Variants in PUM2 observed in about 807,000 individuals in gnomAD.
The protein encoded by PUM2 is pumilio homolog 2.
Under a neutral mutation model 124.5 loss-of-function variants are expected in PUM2, and 57 were observed. The observed-to-expected ratio is 0.46, with a 90% CI of 0.37 to 0.57. The LOEUF (loss-of-function observed/expected upper bound fraction) is 0.57. Ranked by LOEUF, PUM2 falls within the 20% of genes least tolerant of loss-of-function variation. The pLI is 0.00. For synonymous variants in PUM2, 460 were observed against 446.1 expected, an observed-to-expected ratio of 1.03 and a Z score of -0.39; for missense variants, 1,065 against 1,290.6, an observed-to-expected ratio of 0.83 and a Z score of 2.68.
chr2:20,292,678 C>A (rs1674485998), intron 9 of PUM2, among the ~76,000 whole-genome samples: 1 of 152,106 alleles, frequency 6.6e-6, no homozygotes, highest in Non-Finnish European at 1.5e-5. Context: ...CACCTGTAAT[C>A]CCAGCACTTT....
chr2:20,336,138 T>TG (rs1685960623), intron 1 of PUM2, among the ~76,000 whole-genome samples: 1 of 152,240 alleles, frequency 6.6e-6, no homozygotes, highest in African/African-American at 2.4e-5. Context: ...GAAATGAAGA[T>TG]GACAAGCTTT....
intron 1 of PUM2, among the ~76,000 whole-genome samples, chr2:20,335,116 G>T (rs931751552): frequency 1.3e-5 from 2 of 152,070 alleles, no homozygotes; most frequent in Non-Finnish European, 2.9e-5. Flanking sequence ...TAGAGACAGG[G>T]GTCTCCCTAT....
At chr2:20,296,461 C>T (rs908774986) in intron 8 of PUM2, among the ~76,000 whole-genome samples, 2 of 151,084 alleles carry the variant, frequency 1.3e-5, no homozygotes. Context: ...TGCCACTGCA[C>T]TCCAGCCTGG....
upstream of PUM2, among the ~76,000 whole-genome samples, chr2:20,351,064 C>T (rs898253212): frequency 1.8e-4 from 28 of 152,308 alleles, no homozygotes; most frequent in Non-Finnish European, 3.7e-4. Flanking sequence ...GCTCGCGCTT[C>T]CCTCCTGGGC....
chr2:20,262,595 T>G (rs960109750), intron 14 of PUM2, among the ~76,000 whole-genome samples: 4 of 152,206 alleles, frequency 2.6e-5, no homozygotes, highest in African/African-American at 9.7e-5. Context: ...TTGTACACCA[T>G]CTAATCTAAA....
At chr2:20,291,749 C>T (rs1674149379) in intron 9 of PUM2, among the ~76,000 whole-genome samples, 1 of 152,104 alleles carries the variant, frequency 6.6e-6, no homozygotes, top group South Asian at 2.1e-4. Flanking sequence ...TATTGCCTCA[C>T]ATGCTGCCAT....
chr2:20,258,889 G>C (rs1016495547), intron 15 of PUM2, among the ~76,000 whole-genome samples: 1 of 150,192 alleles, frequency 6.7e-6, no homozygotes, highest in African/African-American at 2.5e-5. Flanking sequence ...GGATGGTCTC[G>C]ATCTCCTGAC....
upstream of PUM2, among the ~76,000 whole-genome samples, chr2:20,351,812 G>A (rs1415403535): frequency 6.6e-6 from 1 of 152,174 alleles, no homozygotes; most frequent in Admixed American, 6.5e-5. Context: ...TTCCCTAGGC[G>A]ACTGTGAGCT....
At position 20,249,349 on chromosome 2, in the gene PUM2, A is replaced by G. The variant is rs1388306060; in HGVS notation, c.*2236T>C. ...CGGGCCGAAATACTCTGAGGTTGGTAAAGTAGGAAAAAGTGAGACAGCGGC... is the reference window on the plus strand; with the variant it reads ...CGGGCCGAAATACTCTGAGGTTGGTGAAGTAGGAAAAAGTGAGACAGCGGC... On this transcript the variant is annotated 3_prime_UTR_variant, in exon 21 of 21. Transcript: ENST00000361078. 2 of 152,596 alleles carry G rather than the reference A, an allele frequency of 1.3e-5. No homozygotes were observed. The highest frequency in any genetic ancestry group is 4.8e-5 in the African/African-American group (2 of 41,454). 9.5% of individuals were successfully genotyped at this position (152,596 alleles called of 1,614,324 possible). A position where few individuals can be genotyped will look rare whatever the true frequency, so the allele number is the denominator to read the frequency against.
chr2:20,345,344 A>G (rs1264835232), intron 1 of PUM2, among the ~76,000 whole-genome samples: 10 of 152,016 alleles, frequency 6.6e-5, no homozygotes, highest in Non-Finnish European at 1.2e-4. Flanking sequence ...TCCTGGACTC[A>G]AGTGATCGTC....
chr2:20,319,859 T>C (rs568648410), intron 2 of PUM2, among the ~76,000 whole-genome samples: 2 of 152,060 alleles, frequency 1.3e-5, no homozygotes, highest in Non-Finnish European at 2.9e-5. Context: ...TTAGCAAGGG[T>C]GACACTATGT....
chr2:20,253,984 G>A lies in PUM2; in HGVS notation c.2901C>T (p.Ala967=). 1.2e-6 allele frequency: 2 copies of A among 1,613,434 alleles called. No homozygotes were observed. Among genetic ancestry groups the A allele is most frequent in the Non-Finnish European group, 8.5e-7 (1 of 1,179,792 alleles). The change falls in exon 20 of 21, where the codon GCC becomes GCT. Residue 967 remains alanine, a synonymous_variant. Transcript: ENST00000361078. ...TCAGTAAAGCTCTCTCAGCACGGGA[G>A]GCATGAGTAACACACTTTTCTACTA... The part of the protein sequence containing the change: ...SNVVEKCVTH[A]SRAERALLID...
chr2:20,284,779 T>G (rs766896616), intron 10 of PUM2, among the ~76,000 whole-genome samples: 4 of 152,238 alleles, frequency 2.6e-5, no homozygotes, highest in Non-Finnish European at 5.9e-5. Context: ...TTAAACACAG[T>G]AGGCTAAATT....
At chr2:20,262,577 G>A (rs968972916) in intron 14 of PUM2, among the ~76,000 whole-genome samples, 1 of 152,176 alleles carries the variant, frequency 6.6e-6, no homozygotes, top group Non-Finnish European at 1.5e-5. Context: ...TGTATAGGGA[G>A]ACAAAATTTG....
At chr2:20,330,972 C>T (rs1337367957) in intron 1 of PUM2, among the ~76,000 whole-genome samples, 1 of 152,120 alleles carries the variant, frequency 6.6e-6, no homozygotes, top group East Asian at 1.9e-4. Context: ...GCATATCAAG[C>T]AATACATGTG....
intron 7 of PUM2, among the ~76,000 whole-genome samples, chr2:20,303,622 G>A (rs1677523145): frequency 1.3e-5 from 2 of 152,044 alleles, no homozygotes; most frequent in Non-Finnish European, 2.9e-5. Flanking sequence ...CAAATGCTTT[G>A]TACATCCTTA....
At chr2:20,268,686 T>C (rs376740339) in intron 13 of PUM2, among the ~76,000 whole-genome samples, 1 of 152,252 alleles carries the variant, frequency 6.6e-6, no homozygotes, top group African/African-American at 2.4e-5. Flanking sequence ...ATACAGCTCA[T>C]GCACACAGGG....
At chr2:20,270,745 A>G (rs1010369343) in intron 13 of PUM2, among the ~76,000 whole-genome samples, 2 of 152,208 alleles carry the variant, frequency 1.3e-5, no homozygotes, top group African/African-American at 4.8e-5. Context: ...TCCTTACTCA[A>G]TAATAAATTC....
chr2:20,254,880 A>C lies in PUM2; in HGVS notation c.2853T>G (p.Ser951Arg). The change falls in exon 19 of 21, where the codon AGT (serine) becomes AGG (arginine). Residue 951 changes from serine (S) to arginine (R), a missense_variant. This residue lies in a region of PUM2 where 968 missense variants were observed against 1,159.8 expected (regional missense o/e 0.83). Coordinates refer to ENST00000361078, the MANE Select transcript of PUM2 (RefSeq NM_015317.5). ...SEIRGKVLAL[S>R]QHKFASNVVE... ...TACAATACCTGGCAAATTTGTGTTGACTCAGGGCTAAAACCTTTCCCCTGA... is the reference window on the plus strand; with the variant it reads ...TACAATACCTGGCAAATTTGTGTTGCCTCAGGGCTAAAACCTTTCCCCTGA... 1 of 1,613,746 alleles carries C rather than the reference A, an allele frequency of 6.2e-7. No individual in the cohort carries two copies. Among genetic ancestry groups the C allele is most frequent in the Non-Finnish European group, 8.5e-7 (1 of 1,179,880 alleles).
Sources: allele counts gnomAD v4.1 joint callset (sites outside exome capture counted in the v4.1 genomes callset), GRCh38; gene constraint gnomAD v4.1.1; regional missense constraint gnomAD v4.1.1; transcripts MANE v1.5; gene names NCBI Gene and HGNC (gene_info 2026-07-23, HGNC 2026-07-21).